LDAH: variants seen among roughly 807,000 people sequenced by gnomAD.
The protein encoded by LDAH is lipid droplet-associated hydrolase.
Under a neutral mutation model 29.6 loss-of-function variants are expected in LDAH, and 26 were observed. That is an observed-to-expected ratio of 0.88 (90% CI 0.64 to 1.22). LDAH has a LOEUF of 1.22. Ranked by LOEUF, LDAH falls within the 50% of genes most tolerant of loss-of-function variation. The pLI is 0.00. For synonymous variants in LDAH, 117 were observed against 133.0 expected (o/e 0.88, Z 0.83); for missense variants, 344 against 387.3 (o/e 0.89, Z 0.94).
chr2:20,689,166 A>C (rs1662813590), intron 6 of LDAH, among the ~76,000 whole-genome samples: 1 of 151,952 alleles, frequency 6.6e-6, no homozygotes, highest in African/African-American at 2.4e-5. Context: ...AAGGACATGA[A>C]CTCATCCTTT....
At chr2:20,756,849 T>A (rs1321768898) in intron 4 of LDAH, among the ~76,000 whole-genome samples, 2 of 152,210 alleles carry the variant, frequency 1.3e-5, no homozygotes, top group African/African-American at 4.8e-5. Flanking sequence ...AGGAATATCA[T>A]CAGAAAATAT....
chr2:20,700,892 A>G (rs953874572), intron 6 of LDAH, among the ~76,000 whole-genome samples: 1 of 152,228 alleles, frequency 6.6e-6, no homozygotes, highest in African/African-American at 2.4e-5. Flanking sequence ...AATTAAGGCT[A>G]GCCACAAATA....
rs147397062 is a variant in LDAH at position 20,750,023 on chromosome 2, C to CTTT, written c.469-9821_469-9819dup. 4.9e-4 allele frequency among the ~76,000 whole-genome samples: 62 copies of CTTT among 127,076 alleles called. 1 individual carries two copies. The highest frequency in any genetic ancestry group is 1.5e-3 in the African/African-American group (53 of 34,234). 83.4% of individuals were successfully genotyped at this position (127,076 alleles called of 152,430 possible). A position where few individuals can be genotyped will look rare whatever the true frequency, so the allele number is the denominator to read the frequency against. On this transcript the variant is annotated intron_variant, in intron 4 of 6. Coordinates refer to ENST00000237822, the MANE Select transcript of LDAH (RefSeq NM_021925.4). ...TGATTTTTACGTCTGCCTTACTAAACTTTTTTTTTTTTTTTTTTTTGAAAC... is the reference window on the plus strand; with the variant it reads ...TGATTTTTACGTCTGCCTTACTAAACTTTTTTTTTTTTTTTTTTTTTTTGAAAC...
At chr2:20,749,218 T>C (rs1202501091) in intron 4 of LDAH, among the ~76,000 whole-genome samples, 1 of 152,050 alleles carries the variant, frequency 6.6e-6, no homozygotes, top group Non-Finnish European at 1.5e-5. Context: ...AATAGAAACA[T>C]ACTAAATAGG....
At chr2:20,781,249 C>T (rs1373159298) in intron 3 of LDAH, among the ~76,000 whole-genome samples, 1 of 152,048 alleles carries the variant, frequency 6.6e-6, no homozygotes, top group Non-Finnish European at 1.5e-5. Context: ...TTTTTTTCCC[C>T]TCGAATCATC....
At chr2:20,801,930 A>ACG (rs1671701151) in intron 1 of LDAH, among the ~76,000 whole-genome samples, 1 of 140,138 alleles carries the variant, frequency 7.1e-6, no homozygotes, top group African/African-American at 2.7e-5. Flanking sequence ...CCCAAATTCT[A>ACG]TGTGTGTGTG....
chr2:20,740,247 G>C, intron 4 of LDAH, 42 bp from the exon 5 acceptor site: 2 of 1,329,808 alleles, frequency 1.5e-6, no homozygotes, highest in South Asian at 1.2e-5. Context: ...TTTTCTTAAA[G>C]GATAGGTCCA....
chr2:20,796,026 A>C (rs1045100891), intron 2 of LDAH, among the ~76,000 whole-genome samples: 1 of 152,042 alleles, frequency 6.6e-6, no homozygotes, highest in Non-Finnish European at 1.5e-5. Context: ...AGCAGGGCAA[A>C]CATAAAAGAA....
intron 2 of LDAH, among the ~76,000 whole-genome samples, chr2:20,790,756 C>T (rs1477651377): frequency 2.6e-5 from 4 of 152,148 alleles, no homozygotes; most frequent in Admixed American, 6.5e-5. Context: ...TCTACTGTTT[C>T]CTTGTCACTT....
intron 5 of LDAH, among the ~76,000 whole-genome samples, chr2:20,720,846 C>G (rs1665595665): frequency 6.6e-6 from 1 of 152,096 alleles, no homozygotes; most frequent in African/African-American, 2.4e-5. Flanking sequence ...TTACAGCCAA[C>G]TTGTTTTCAA....
intron 4 of LDAH, among the ~76,000 whole-genome samples, chr2:20,765,930 G>A (rs1396789990): frequency 6.6e-6 from 1 of 152,116 alleles, no homozygotes; most frequent in Non-Finnish European, 1.5e-5. Flanking sequence ...AAGGGGAAGG[G>A]AAACAGGTTT....
chr2:20,740,101 AT>A lies in LDAH; in HGVS notation c.572del (p.Tyr191LeufsTer8). On this transcript the variant is annotated frameshift_variant, in exon 5 of 7. Coordinates refer to ENST00000237822, the MANE Select transcript of LDAH (RefSeq NM_021925.4). LOFTEE classifies it high-confidence loss of function. ...PLLCWFRYVL[Y>X]VTGYLLLKPC... ...GTTTCAATAATAAGTAGCCAGTAAC[AT>A]AGAGAACATATCGAAACCAGCACAA... 6.2e-7 allele frequency: 1 copy of A among 1,614,156 alleles called. No individual in the cohort carries two copies. Among genetic ancestry groups the A allele is most frequent in the South Asian group, 1.1e-5 (1 of 91,088 alleles).
chr2:20,783,719 T>A (rs550429658), intron 3 of LDAH, among the ~76,000 whole-genome samples: 1 of 152,212 alleles, frequency 6.6e-6, no homozygotes, highest in Non-Finnish European at 1.5e-5. Context: ...AATGTTTATT[T>A]GTTTGTTTTA....
chr2:20,716,287 T>C (rs1665172444), intron 5 of LDAH, among the ~76,000 whole-genome samples: 1 of 152,100 alleles, frequency 6.6e-6, no homozygotes. Context: ...CGTATATTTA[T>C]TGCAGCACTG....
intron 6 of LDAH, among the ~76,000 whole-genome samples, chr2:20,694,578 A>C (rs1663287912): frequency 6.6e-6 from 1 of 152,188 alleles, no homozygotes; most frequent in Non-Finnish European, 1.5e-5. Flanking sequence ...TGGCTCAATT[A>C]CCATTCTTGA....
chr2:20,812,031 G>C (rs749363321), intron 1 of LDAH, among the ~76,000 whole-genome samples: 44 of 152,114 alleles, frequency 2.9e-4, no homozygotes, highest in Non-Finnish European at 4.9e-4. Flanking sequence ...CCAAAGATGA[G>C]GGGAATGAAA....
intron 6 of LDAH, among the ~76,000 whole-genome samples, chr2:20,694,923 C>T (rs1663328111): frequency 6.6e-6 from 1 of 152,254 alleles, no homozygotes. Context: ...TGAGACTGCA[C>T]TGAGATGCTA....
chr2:20,739,932 T>C (rs745960401), intron 5 of LDAH, 39 bp downstream of exon 5: 100 of 1,474,414 alleles, frequency 6.8e-5, no homozygotes, highest in Non-Finnish European at 9.3e-5. Flanking sequence ...CATTTTGTGA[T>C]ACAAGAATAA....
chr2:20,728,338 C>T (rs1004895015), intron 5 of LDAH, among the ~76,000 whole-genome samples: 3 of 152,146 alleles, frequency 2.0e-5, no homozygotes, highest in African/African-American at 7.2e-5. Context: ...GGGGAAATAT[C>T]CAGCTGGACC....
Sources: gnomAD v4.1 joint callset for allele counts (sites outside exome capture counted in the v4.1 genomes callset) on GRCh38, gnomAD v4.1.1 for gene constraint, MANE v1.5 for transcripts, NCBI Gene and HGNC (gene_info 2026-07-23, HGNC 2026-07-21) for gene names.